TRAK1: variants seen among roughly 807,000 people sequenced by gnomAD.
TRAK1 encodes trafficking kinesin-binding protein 1.
TRAK1 carries 33 observed loss-of-function variants against 92.1 expected under a neutral mutation model. The observed-to-expected ratio is 0.36, with a 90% CI of 0.27 to 0.48. The LOEUF is 0.48. TRAK1 is among the 20% of genes least tolerant of loss of function. The pLI, the probability that TRAK1 is intolerant of heterozygous loss-of-function variation, is 0.99. For missense variants in TRAK1, 1,123 were observed against 1,257.9 expected (o/e 0.89, Z 1.62); for synonymous variants, 521 against 517.3 (o/e 1.01, Z -0.10).
chr3:42,182,056 G>A (rs1451266509), intron 3 of TRAK1, among the ~76,000 whole-genome samples: 1 of 151,216 alleles, frequency 6.6e-6, no homozygotes, highest in East Asian at 2.0e-4. Flanking sequence ...TCCTGCCTTG[G>A]CCTTCCAAAG....
chr3:42,087,627 TG>T (rs1484638600), upstream of TRAK1, among the ~76,000 whole-genome samples: 4 of 152,242 alleles, frequency 2.6e-5, no homozygotes, highest in African/African-American at 9.6e-5. Context: ...CTATCCTGAC[TG>T]AGAGGTAGAC....
intron 1 of TRAK1, among the ~76,000 whole-genome samples, chr3:42,112,138 T>A (rs1708505910): frequency 8.0e-6 from 1 of 124,662 alleles, no homozygotes; most frequent in Admixed American, 8.0e-5. Flanking sequence ...GCTCTTACTT[T>A]TTTTTTTTTT....
At chr3:42,205,302 G>T (rs766565210) in intron 13 of TRAK1, among the ~76,000 whole-genome samples, 1 of 152,110 alleles carries the variant, frequency 6.6e-6, no homozygotes, top group Non-Finnish European at 1.5e-5. Context: ...AAGCTAGTAA[G>T]ATTCCCATAA....
At position 42,197,008 on chromosome 3, in the gene TRAK1, A is replaced by T. The variant is rs1175748986; in HGVS notation, c.1113+2067A>T. Among the ~76,000 whole-genome samples, 497 of 127,622 alleles carry T rather than the reference A, an allele frequency of 3.9e-3. 1 individual carries two copies. The highest frequency in any genetic ancestry group is 5.5e-3 in the African/African-American group (188 of 33,922). The allele number at this position is 127,622 out of a possible 152,430, so 83.7% of individuals were successfully genotyped here. On this transcript the variant is annotated intron_variant, in intron 10 of 15. Transcript: ENST00000327628. ...TTCTCTCTCTCTCTCTCTCTCACAC[A>T]CACACACACACACACACACACACAC...
intron 1 of TRAK1, among the ~76,000 whole-genome samples, chr3:42,100,060 G>C (rs564427614): frequency 6.6e-6 from 1 of 152,048 alleles, no homozygotes; most frequent in East Asian, 1.9e-4. Flanking sequence ...GGAGTTAATC[G>C]TAGGCAGAGA....
At chr3:42,063,965 T>G (rs979264936) in intron 1 of TRAK1, among the ~76,000 whole-genome samples, 2 of 152,186 alleles carry the variant, frequency 1.3e-5, no homozygotes, top group Non-Finnish European at 2.9e-5. Flanking sequence ...TGAACACCCC[T>G]TCTTGGGATC....
chr3:42,215,646 C>T (rs533290892), intron 14 of TRAK1, among the ~76,000 whole-genome samples: 2 of 152,168 alleles, frequency 1.3e-5, no homozygotes, highest in Admixed American at 1.3e-4. Context: ...TTACACAAGT[C>T]GGCCACTTCC....
chr3:42,061,846 C>T (rs1703456702), intron 1 of TRAK1, among the ~76,000 whole-genome samples: 1 of 152,208 alleles, frequency 6.6e-6, no homozygotes, highest in East Asian at 1.9e-4. Flanking sequence ...AGTACTTTGC[C>T]TTGGAAATGG....
intron 2 of TRAK1, among the ~76,000 whole-genome samples, chr3:42,173,375 T>G (rs567334092): frequency 6.6e-6 from 1 of 152,324 alleles, no homozygotes; most frequent in South Asian, 2.1e-4. Flanking sequence ...TAACCTGTGT[T>G]TATGCTGTCT....
intron 1 of TRAK1, among the ~76,000 whole-genome samples, chr3:42,038,943 A>G (rs1474791442): frequency 2.0e-5 from 3 of 150,490 alleles, no homozygotes; most frequent in Non-Finnish European, 4.4e-5. Flanking sequence ...CCTTGAGATT[A>G]ATTCATATAC....
intron 2 of TRAK1, chr3:42,149,121 G>T (rs1351971900): frequency 1.7e-5 from 16 of 920,550 alleles, no homozygotes; most frequent in Non-Finnish European, 2.1e-5. Flanking sequence ...GCAACGGTTA[G>T]ATTGAAAGAT....
chr3:42,160,148 A>G (rs1473062435), intron 2 of TRAK1: 17 of 1,056,258 alleles, frequency 1.6e-5, no homozygotes, highest in Non-Finnish European at 1.9e-5. Flanking sequence ...CATAGGAGCC[A>G]CCCCCTTCCG....
chr3:42,153,472 T>G (rs1700182134), intron 2 of TRAK1, among the ~76,000 whole-genome samples: 1 of 152,184 alleles, frequency 6.6e-6, no homozygotes, highest in South Asian at 2.1e-4. Flanking sequence ...TGCTTCAGTT[T>G]CTTTTGTAAT....
intron 1 of TRAK1, among the ~76,000 whole-genome samples, chr3:42,053,665 C>T (rs1703079558): frequency 6.6e-6 from 1 of 152,132 alleles, no homozygotes; most frequent in Non-Finnish European, 1.5e-5. Context: ...CGAGCCAAGT[C>T]CACGCTGCCC....
At chr3:42,136,634 A>AAAAT (rs970948516) in intron 2 of TRAK1, among the ~76,000 whole-genome samples, 1 of 148,948 alleles carries the variant, frequency 6.7e-6, no homozygotes, top group Non-Finnish European at 1.5e-5. Context: ...ATACAAAAGA[A>AAAAT]AAATAAATAA....
At chr3:42,030,221 G>T (rs1042670693) in intron 1 of TRAK1, among the ~76,000 whole-genome samples, 5 of 152,014 alleles carry the variant, frequency 3.3e-5, no homozygotes, top group Non-Finnish European at 7.4e-5. Context: ...ATAGCTTGAG[G>T]CCAGAAGTTC....
chr3:42,020,628 T>C (rs1701688862), intron 1 of TRAK1, among the ~76,000 whole-genome samples: 3 of 152,222 alleles, frequency 2.0e-5, no homozygotes, highest in Non-Finnish European at 4.4e-5. Context: ...AAGTACTCAT[T>C]TCTATCGGGT....
intron 1 of TRAK1, among the ~76,000 whole-genome samples, chr3:42,093,334 C>T (rs1705373934): frequency 6.6e-6 from 1 of 151,972 alleles, no homozygotes; most frequent in East Asian, 1.9e-4. Flanking sequence ...TTTGCAAAAC[C>T]ACAGAAACAT....
At chr3:42,139,008 A>G (rs1423086443) in intron 2 of TRAK1, among the ~76,000 whole-genome samples, 1 of 151,586 alleles carries the variant, frequency 6.6e-6, no homozygotes, top group Non-Finnish European at 1.5e-5. Context: ...GAATGAAGGA[A>G]GGAAGGATAA....
Sources: allele counts gnomAD v4.1 joint callset (sites outside exome capture counted in the v4.1 genomes callset), GRCh38; gene constraint gnomAD v4.1.1; transcripts MANE v1.5; gene names NCBI Gene and HGNC (gene_info 2026-07-23, HGNC 2026-07-21).